DACH1: variants seen among roughly 807,000 people sequenced by gnomAD.
DACH1 encodes dachshund family transcription factor 1.
A neutral mutation model predicts 54.2 loss-of-function variants in DACH1; 12 were observed. The observed-to-expected ratio is 0.22, with a 90% CI of 0.14 to 0.36. The LOEUF (loss-of-function observed/expected upper bound fraction) is 0.36, where lower values mean the gene tolerates loss of function less well. Among genes scored for constraint, DACH1 ranks in the 10% least tolerant of loss-of-function variants. DACH1 has a pLI of 1.00. For missense variants in DACH1, 805 were observed against 929.8 expected (o/e 0.87, Z 1.75); for synonymous variants, 386 against 366.2 (o/e 1.05, Z -0.62).
At chr13:71,548,061 A>G (rs1269737646) in intron 6 of DACH1, among the ~76,000 whole-genome samples, 1 of 152,230 alleles carries the variant, frequency 6.6e-6, no homozygotes, top group African/African-American at 2.4e-5. Context: ...AAATTTTAAT[A>G]AAAGTAGACT....
intron 1 of DACH1, among the ~76,000 whole-genome samples, chr13:71,765,229 T>TAACTTA (rs1885570837): frequency 6.6e-6 from 1 of 152,282 alleles, no homozygotes; most frequent in South Asian, 2.1e-4. Context: ...AACCAGGCAT[T>TAACTTA]TGGAAGACAT....
intron 1 of DACH1, among the ~76,000 whole-genome samples, chr13:71,758,649 T>C (rs1052958601): frequency 1.3e-5 from 2 of 152,182 alleles, no homozygotes; most frequent in Non-Finnish European, 2.9e-5. Context: ...AGCATCTCCT[T>C]TCCCTGAGGA....
At chr13:71,667,880 T>A (rs1379799462) in intron 2 of DACH1, among the ~76,000 whole-genome samples, 1 of 152,136 alleles carries the variant, frequency 6.6e-6, no homozygotes, top group Non-Finnish European at 1.5e-5. Flanking sequence ...TGCATTTATA[T>A]TCATTTGAAT....
chr13:71,861,982 T>C (rs1219728198), intron 1 of DACH1, among the ~76,000 whole-genome samples: 1 of 151,004 alleles, frequency 6.6e-6, no homozygotes, highest in African/African-American at 2.4e-5. Context: ...ATTTCATTCA[T>C]ATATTACTAC....
intron 3 of DACH1, among the ~76,000 whole-genome samples, chr13:71,613,420 A>G (rs1194315909): frequency 1.3e-5 from 2 of 152,224 alleles, no homozygotes; most frequent in East Asian, 3.9e-4. Context: ...AACGCCATTG[A>G]AAGATTTTTT....
chr13:71,502,878 C>T (rs549854222), intron 6 of DACH1, among the ~76,000 whole-genome samples: 1 of 152,340 alleles, frequency 6.6e-6, no homozygotes, highest in Admixed American at 6.5e-5. Context: ...TTGGTGACTA[C>T]TTTGCTCTGA....
At chr13:71,788,586 C>G (rs1429495535) in intron 1 of DACH1, among the ~76,000 whole-genome samples, 1 of 151,722 alleles carries the variant, frequency 6.6e-6, no homozygotes, top group Non-Finnish European at 1.5e-5. Context: ...TCACACATAC[C>G]CCCCCACACA....
intron 7 of DACH1, among the ~76,000 whole-genome samples, chr13:71,482,865 A>G (rs1878167540): frequency 7.4e-6 from 1 of 135,038 alleles, no homozygotes; most frequent in Non-Finnish European, 1.5e-5. Flanking sequence ...AAATGGCGCG[A>G]TCTCGGCTCA....
intron 6 of DACH1, among the ~76,000 whole-genome samples, chr13:71,554,882 T>C (rs1268513894): frequency 2.0e-5 from 3 of 152,148 alleles, no homozygotes; most frequent in Non-Finnish European, 4.4e-5. Flanking sequence ...TCTTGACATA[T>C]GAAAAAGGAA....
intron 1 of DACH1, among the ~76,000 whole-genome samples, chr13:71,805,131 A>T (rs1029493038): frequency 6.6e-6 from 1 of 152,188 alleles, no homozygotes; most frequent in Non-Finnish European, 1.5e-5. Context: ...GAATATTTTT[A>T]ATTTCAGAGA....
At chr13:71,857,534 C>A (rs1874080956) in intron 1 of DACH1, among the ~76,000 whole-genome samples, 1 of 151,536 alleles carries the variant, frequency 6.6e-6, no homozygotes, top group Non-Finnish European at 1.5e-5. Flanking sequence ...AAATGTACGA[C>A]AATTATTTAA....
chr13:71,648,515 G>C (rs1052287110), intron 2 of DACH1, among the ~76,000 whole-genome samples: 2 of 152,042 alleles, frequency 1.3e-5, no homozygotes, highest in Non-Finnish European at 2.9e-5. Flanking sequence ...GTCCATCTTT[G>C]ATACCATTAA....
At chr13:71,680,709 C>T (rs1247292829) in intron 2 of DACH1, among the ~76,000 whole-genome samples, 1 of 152,104 alleles carries the variant, frequency 6.6e-6, no homozygotes, top group South Asian at 2.1e-4. Context: ...AAATTAAACT[C>T]AATGATTTTT....
chr13:71,799,507 A>G (rs946858543), intron 1 of DACH1, among the ~76,000 whole-genome samples: 7 of 152,284 alleles, frequency 4.6e-5, no homozygotes, highest in Non-Finnish European at 5.9e-5. Context: ...AAACAGTTTT[A>G]CAATAGCTTA....
chr13:71,606,308 G>T (rs760923562), intron 3 of DACH1, among the ~76,000 whole-genome samples: 12 of 151,874 alleles, frequency 7.9e-5, no homozygotes, highest in Non-Finnish European at 1.6e-4. Flanking sequence ...TACATGATAA[G>T]AATTCTTTCT....
chr13:71,537,643 A>T (rs17088319), intron 6 of DACH1, among the ~76,000 whole-genome samples: 5,784 of 152,196 alleles, frequency 0.038, 295 homozygotes, highest in African/African-American at 0.11. Flanking sequence ...AAGTCTTCAA[A>T]GGCTCCTTCA....
At chr13:71,660,229 T>C (rs185270154) in intron 2 of DACH1, among the ~76,000 whole-genome samples, 26 of 152,256 alleles carry the variant, frequency 1.7e-4, no homozygotes, top group African/African-American at 6.0e-4. Flanking sequence ...TCCTGTTTGA[T>C]AATTTGCTTG....
At chr13:71,549,800 A>G (rs1883691512) in intron 6 of DACH1, among the ~76,000 whole-genome samples, 1 of 152,104 alleles carries the variant, frequency 6.6e-6, no homozygotes, top group African/African-American at 2.4e-5. Flanking sequence ...ATCTTGTTTG[A>G]TTTCTAACCC....
At chr13:71,692,282 C>T (rs1881524523) in intron 1 of DACH1, among the ~76,000 whole-genome samples, 1 of 151,940 alleles carries the variant, frequency 6.6e-6, no homozygotes, top group Admixed American at 6.6e-5. Context: ...TTTCCCCATC[C>T]TTAGCATGGT....
Sources: allele counts gnomAD v4.1 joint callset (sites outside exome capture counted in the v4.1 genomes callset), GRCh38; gene constraint gnomAD v4.1.1; transcripts MANE v1.5; gene names NCBI Gene and HGNC (gene_info 2026-07-23, HGNC 2026-07-21).